MEGF6: variants seen among roughly 807,000 people sequenced by gnomAD.
MEGF6 encodes the protein multiple EGF like domains 6.
MEGF6 carries 184 observed loss-of-function variants against 207.1 expected under a neutral mutation model. The observed-to-expected ratio is 0.89, with a 90% CI of 0.79 to 1.00. MEGF6 has a LOEUF of 1.00. Ranked by LOEUF, MEGF6 falls within the 50% of genes least tolerant of loss-of-function variation. The probability of loss-of-function intolerance (pLI) is 0.00; values close to 1 mark genes in which losing one functional copy is unlikely to be tolerated. For synonymous variants in MEGF6, 1,038 were observed against 910.0 expected (o/e 1.14, Z -2.53); for missense variants, 2,282 against 2,202.9 (o/e 1.04, Z -0.72).
At chr1:3,557,645 C>T (rs979519562) in intron 4 of MEGF6, among the ~76,000 whole-genome samples, 1 of 152,238 alleles carries the variant, frequency 6.6e-6, no homozygotes, top group African/African-American at 2.4e-5. Flanking sequence ...GCCCGCTCAT[C>T]CCTCGCTCAC....
intron 1 of MEGF6, among the ~76,000 whole-genome samples, chr1:3,607,487 G>A (rs371675743): frequency 6.6e-6 from 1 of 152,324 alleles, no homozygotes; most frequent in East Asian, 1.9e-4. Flanking sequence ...GTGTGGGAAC[G>A]ACTGTCTCCT....
At chr1:3,580,747 G>T (rs912822645) in intron 3 of MEGF6, among the ~76,000 whole-genome samples, 10 of 148,638 alleles carry the variant, frequency 6.7e-5, no homozygotes, top group Non-Finnish European at 1.5e-4. Flanking sequence ...CAGGGCCAGG[G>T]TGGGATGGCA....
At chr1:3,494,553 T>C (rs1047739413) in intron 31 of MEGF6, 54 bp from the exon 32 acceptor site, 3 of 1,565,098 alleles carry the variant, frequency 1.9e-6, no homozygotes, top group African/African-American at 1.4e-5. Context: ...CCCAGCCCTA[T>C]GGCAGCCCAG....
chr1:3,534,561 C>T (rs1642270459), intron 4 of MEGF6, among the ~76,000 whole-genome samples: 1 of 152,138 alleles, frequency 6.6e-6, no homozygotes, highest in African/African-American at 2.4e-5. Flanking sequence ...ACTGAGGATC[C>T]ATAAAAGTCA....
At chr1:3,617,235 C>T in the MEGF6 span, among the ~76,000 whole-genome samples, 1 of 150,096 alleles carries the variant, frequency 6.7e-6, no homozygotes, top group East Asian at 2.0e-4. Context: ...GTGTTTCAGA[C>T]CAGGTGCTGA....
chr1:3,510,837 C>A lies in MEGF6; in HGVS notation c.1180G>T (p.Glu394Ter). The change falls in exon 10 of 37, where the codon GAG becomes TAG. Residue 394 changes from glutamate (E) to a stop codon, truncating the protein, a stop_gained. Transcript: ENST00000356575. LOFTEE classifies it high-confidence loss of function. ...QVCTNNPGGY[E>*]CGCYAGYRLS... ...CGGTAGCCGGCGTAGCAGCCGCACT[C>A]GTACCCGCCAGGGTTGTTGGTGCAC... 6.2e-7 allele frequency: 1 copy of A among 1,611,060 alleles called. No homozygotes were observed. Among genetic ancestry groups the A allele is most frequent in the African/African-American group, 1.3e-5 (1 of 75,038 alleles).
Position 3,602,388 on chromosome 1 carries a change from G to T in MEGF6, c.266+78C>A. The T allele has an allele frequency of 2.5e-6, 4 of 1,597,590 alleles. No individual in the cohort carries two copies. The South Asian group carries it at 4.5e-5, about 18-fold the overall frequency. On this transcript the variant is annotated intron_variant, in intron 2 of 36. Coordinates refer to ENST00000356575, the MANE Select transcript of MEGF6 (RefSeq NM_001409.4). ...AGACCAGGACGGGGTCCTGGCCTCAGCTGCCCAGCTCCCGGGTGGTCAGTG... is the reference window on the plus strand; with the variant it reads ...AGACCAGGACGGGGTCCTGGCCTCATCTGCCCAGCTCCCGGGTGGTCAGTG...
intron 19 of MEGF6, 34 bp downstream of exon 19, chr1:3,501,143 G>T: frequency 6.2e-7 from 1 of 1,612,642 alleles, no homozygotes; most frequent in Non-Finnish European, 8.5e-7. Context: ...CCTACCCCAG[G>T]TCAAAGGCTC....
intron 2 of MEGF6, among the ~76,000 whole-genome samples, chr1:3,598,014 G>C (rs565119548): frequency 1.7e-4 from 26 of 152,350 alleles, no homozygotes; most frequent in Admixed American, 1.6e-3. Context: ...GCAAGACAGA[G>C]AGACATAGAA....
chr1:3,551,116 T>C (rs1303002911), intron 4 of MEGF6, among the ~76,000 whole-genome samples: 3 of 152,170 alleles, frequency 2.0e-5, no homozygotes, highest in South Asian at 2.1e-4. Flanking sequence ...TCCTGGCCTA[T>C]ACCAGGCCAG....
At chr1:3,599,155 C>T (rs533726788) in intron 2 of MEGF6, among the ~76,000 whole-genome samples, 82 of 152,332 alleles carry the variant, frequency 5.4e-4, no homozygotes, top group African/African-American at 1.8e-3. Flanking sequence ...ACAGCCACTG[C>T]GGGGCCAGCC....
Position 3,605,566 on chromosome 1 carries a change from TCA to T in MEGF6, c.132-2968_132-2967del, listed in dbSNP as rs1279709193. On this transcript the variant is annotated intron_variant, in intron 1 of 36. Coordinates refer to ENST00000356575, the MANE Select transcript of MEGF6 (RefSeq NM_001409.4). The stretch of plus-strand genomic sequence containing the variant: ...CACATATTCTCATACACTCATACAC[TCA>T]CATACACACACATACACTCATACAA... Among the ~76,000 whole-genome samples, 373 of 147,504 alleles carry T rather than the reference TCA, an allele frequency of 2.5e-3. 1 individual carries two copies. The highest frequency in any genetic ancestry group is 8.6e-3 in the African/African-American group (342 of 39,960).
In MEGF6 at chr1:3,594,161, G is replaced by A. The variant is rs1270581927; in HGVS notation, c.376+1177C>T. ...TGGAGCGTGCTGGCGGGACATGGTG[G>A]CTCACACCTGTAATCCCAGCACTTT... On this transcript the variant is annotated intron_variant, in intron 3 of 36. Coordinates refer to ENST00000356575, the MANE Select transcript of MEGF6 (RefSeq NM_001409.4). This position sits in a 1 kb window ranked among gnomAD's most constrained non-coding sequence, Gnocchi z 4.2. Among the ~76,000 whole-genome samples the A allele has an allele frequency of 6.6e-6, 1 of 152,204 alleles. No homozygotes were observed. Among genetic ancestry groups the A allele is most frequent in the Non-Finnish European group, 1.5e-5 (1 of 68,034 alleles).
At chr1:3,588,463 G>A (rs28406086) in intron 3 of MEGF6, among the ~76,000 whole-genome samples, 1 of 71,580 alleles carries the variant, frequency 1.4e-5, no homozygotes, top group East Asian at 1.1e-3. Context: ...GGGGCAGGAG[G>A]GGACAGGAGG....
Position 3,490,889 on chromosome 1 carries a change from C to G in MEGF6, c.4564+23G>C, listed in dbSNP as rs760255675. 9 of 1,573,804 alleles carry G rather than the reference C, an allele frequency of 5.7e-6. No individual in the cohort carries two copies. The South Asian group carries it at 1.0e-4, about 18-fold the overall frequency. ...ATAACCCACCCTCCTGGCAAGCCCACGGGCATTCCCCACACCCCTTACCTG... is the reference window on the plus strand; with the variant it reads ...ATAACCCACCCTCCTGGCAAGCCCAGGGGCATTCCCCACACCCCTTACCTG... On this transcript the variant is annotated intron_variant, in intron 36 of 36. Coordinates refer to ENST00000356575, the MANE Select transcript of MEGF6 (RefSeq NM_001409.4).
intron 4 of MEGF6, among the ~76,000 whole-genome samples, chr1:3,557,386 T>A (rs985581384): frequency 6.6e-6 from 1 of 152,326 alleles, no homozygotes; most frequent in Admixed American, 6.5e-5. Flanking sequence ...TGCTCCCGGC[T>A]GCAGCTGCCC....
At chr1:3,598,020 T>C (rs1470458028) in intron 2 of MEGF6, among the ~76,000 whole-genome samples, 1 of 151,816 alleles carries the variant, frequency 6.6e-6, no homozygotes, top group African/African-American at 2.4e-5. Flanking sequence ...CAGAGAGACA[T>C]AGAAAGAGAA....
chr1:3,611,744 G>A (rs569141974), upstream of MEGF6, among the ~76,000 whole-genome samples: 228 of 119,530 alleles, frequency 1.9e-3, 1 homozygote, highest in Non-Finnish European at 3.4e-3. Flanking sequence ...TCCCCTCTCC[G>A]GTCCCGGCCC....
At chr1:3,568,202 T>C (rs551774310) in intron 4 of MEGF6, among the ~76,000 whole-genome samples, 2 of 152,228 alleles carry the variant, frequency 1.3e-5, no homozygotes, top group African/African-American at 4.8e-5. Context: ...CAGAGATTCC[T>C]GGAGTGATGA....
Sources: allele counts gnomAD v4.1 joint callset (sites outside exome capture counted in the v4.1 genomes callset), GRCh38; gene constraint gnomAD v4.1.1; non-coding constraint Gnocchi (gnomAD v3.1); transcripts MANE v1.5; gene names NCBI Gene and HGNC (gene_info 2026-07-23, HGNC 2026-07-21).